RXRA: variants seen among roughly 807,000 people sequenced by gnomAD.
The protein encoded by RXRA is retinoid X receptor alpha, also known as retinoic acid receptor RXR-alpha.
In RXRA, 5 loss-of-function variants were observed where a neutral mutation model predicts 44.5. The ratio of observed to expected loss-of-function variants is 0.11; its 90% CI spans 0.06 to 0.24. RXRA has a LOEUF of 0.24. Among genes scored for constraint, RXRA ranks in the 10% least tolerant of loss-of-function variants. The pLI is 1.00. For synonymous variants in RXRA, 291 were observed against 271.4 expected, an observed-to-expected ratio of 1.07 and a Z score of -0.71; for missense variants, 412 against 646.5, an observed-to-expected ratio of 0.64 and a Z score of 3.93.
At chr9:134,363,795 G>A (rs547569717) in intron 1 of RXRA, among the ~76,000 whole-genome samples, 15 of 152,318 alleles carry the variant, frequency 9.8e-5, no homozygotes, top group African/African-American at 3.6e-4. Context: ...CCGGAGGTGC[G>A]ACCTGAGCAT....
intron 1 of RXRA, among the ~76,000 whole-genome samples, chr9:134,384,623 T>G (rs1830692351): frequency 3.3e-5 from 5 of 151,458 alleles, no homozygotes; most frequent in Non-Finnish European, 7.4e-5. Flanking sequence ...ATGCAGGGCG[T>G]GCTGGGGGGC....
chr9:134,330,193 C>T (rs1554746489), intron 1 of RXRA, among the ~76,000 whole-genome samples: 1 of 152,200 alleles, frequency 6.6e-6, no homozygotes, highest in Non-Finnish European at 1.5e-5. Context: ...CCCTCCCCAA[C>T]CCCCAGCTGG....
chr9:134,433,970 C>A lies in RXRA; in HGVS notation c.1136-132C>A. The A allele has an allele frequency of 1.6e-6, 1 of 637,768 alleles. No homozygotes were observed. 39.5% of individuals were successfully genotyped at this position (637,768 alleles called of 1,614,324 possible). ...GGGGAGCGGGCGGAGGCATGTCCAG[C>A]GGCATTCCTCCACCACCTGCTCTGC... On this transcript the variant is annotated intron_variant, in intron 8 of 9. Coordinates refer to ENST00000481739, the MANE Select transcript of RXRA (RefSeq NM_002957.6). This position sits in a 1 kb window ranked among gnomAD's most constrained non-coding sequence, Gnocchi z 4.2.
Position 134,366,672 on chromosome 9 carries a change from T to A in RXRA, c.29-34960T>A, listed in dbSNP as rs542239622. ...GCTGGGTGGGGCTGGAGAAATCAGC[T>A]CCCGCCAGCCTGATCTTCCTGCCTC... On this transcript the variant is annotated intron_variant, in intron 1 of 9. Transcript: ENST00000481739. The surrounding 1 kb of genome is among the most constrained non-coding windows in gnomAD (Gnocchi z 5.9). Among the ~76,000 whole-genome samples, 3 of 151,962 alleles carry A rather than the reference T, an allele frequency of 2.0e-5. No individual in the cohort carries two copies. The highest frequency in any genetic ancestry group is 2.9e-5 in the Non-Finnish European group (2 of 67,980).
chr9:134,393,619 G>A (rs1383422957), intron 1 of RXRA, among the ~76,000 whole-genome samples: 1 of 152,330 alleles, frequency 6.6e-6, no homozygotes, highest in Non-Finnish European at 1.5e-5. Flanking sequence ...GCCTGTGGCC[G>A]CAGCTCCCAT....
At position 134,406,769 on chromosome 9, in the gene RXRA, C is replaced by T. The variant is rs188023478; in HGVS notation, c.280-1380C>T. Among the ~76,000 whole-genome samples, 377 of 152,358 alleles carry T rather than the reference C, an allele frequency of 2.5e-3. 1 individual carries two copies. Among genetic ancestry groups the T allele is most frequent in the African/African-American group, 8.8e-3 (364 of 41,580 alleles). On this transcript the variant is annotated intron_variant, in intron 2 of 9. Coordinates refer to ENST00000481739, the MANE Select transcript of RXRA (RefSeq NM_002957.6). Reference sequence around the variant, plus strand: ...TGGCCAGCCCCTGACCTCCCTGAGCCGCAGCCTCTGCATCTGGGACACCCA... The same window carrying T: ...TGGCCAGCCCCTGACCTCCCTGAGCTGCAGCCTCTGCATCTGGGACACCCA...
chr9:134,334,446 C>G (rs1051008155), intron 1 of RXRA, among the ~76,000 whole-genome samples: 4 of 152,250 alleles, frequency 2.6e-5, no homozygotes, highest in Non-Finnish European at 5.9e-5. Flanking sequence ...AGAGGGCCAC[C>G]AAGGTGACAG....
chr9:134,408,036 T>G, intron 2 of RXRA, 113 bp from the exon 3 acceptor site: 86 of 702,846 alleles, frequency 1.2e-4, no homozygotes, highest in Middle Eastern at 2.7e-4. Flanking sequence ...CTAGCCTCGG[T>G]GTCTGTGTGT....
chr9:134,344,132 G>T (rs912727837), intron 1 of RXRA, among the ~76,000 whole-genome samples: 2 of 152,284 alleles, frequency 1.3e-5, no homozygotes, highest in Admixed American at 6.5e-5. Flanking sequence ...CGTTCCCTGC[G>T]CTTGAAGCTG....
At position 134,433,770 on chromosome 9, in the gene RXRA, G is replaced by A. The variant is rs1156474589; in HGVS notation, c.1136-332G>A. 6.6e-6 allele frequency among the ~76,000 whole-genome samples: 1 copy of A among 152,152 alleles called. No homozygotes were observed. Among genetic ancestry groups the A allele is most frequent in the Admixed American group, 6.5e-5 (1 of 15,282 alleles). On this transcript the variant is annotated intron_variant, in intron 8 of 9. Transcript: ENST00000481739. This position sits in a 1 kb window ranked among gnomAD's most constrained non-coding sequence, Gnocchi z 4.2. ...CATTGTCTCTCCCAGTTCCCAAGGCGGCTGGAAGGAAGGCAGCAGATCCCT... is the reference window on the plus strand; with the variant it reads ...CATTGTCTCTCCCAGTTCCCAAGGCAGCTGGAAGGAAGGCAGCAGATCCCT...
At chr9:134,399,891 C>A (rs1349468095) in intron 1 of RXRA, among the ~76,000 whole-genome samples, 1 of 152,214 alleles carries the variant, frequency 6.6e-6, no homozygotes, top group Non-Finnish European at 1.5e-5. Context: ...CTCCTTTCTG[C>A]ACCTTCCTCC....
intron 1 of RXRA, among the ~76,000 whole-genome samples, chr9:134,347,645 C>T (rs558907539): frequency 2.6e-5 from 4 of 152,294 alleles, no homozygotes; most frequent in Non-Finnish European, 4.4e-5. Context: ...GAAAGCCCTC[C>T]AGGGGGATGC....
intron 1 of RXRA, among the ~76,000 whole-genome samples, chr9:134,368,767 TGTGA>T (rs927494148): frequency 4.5e-4 from 30 of 66,008 alleles, no homozygotes; most frequent in South Asian, 1.7e-3. Context: ...TGTGTGTGAC[TGTGA>T]GTGTGTTTGG....
At chr9:134,428,635 G>C (rs7853153) in intron 6 of RXRA, among the ~76,000 whole-genome samples, 1 of 148,704 alleles carries the variant, frequency 6.7e-6, no homozygotes, top group Non-Finnish European at 1.5e-5. Context: ...GAATCCCCCC[G>C]AAAGAGGCTG....
chr9:134,394,308 G>A (rs891091574), intron 1 of RXRA, among the ~76,000 whole-genome samples: 9 of 116,010 alleles, frequency 7.8e-5, no homozygotes, highest in African/African-American at 2.3e-4. Flanking sequence ...TTGCACGCTC[G>A]CTGGATGCCT....
In RXRA at chr9:134,342,434, C is replaced by G. The variant is rs1440856812; in HGVS notation, c.28+15775C>G. 1.3e-5 allele frequency among the ~76,000 whole-genome samples: 2 copies of G among 152,192 alleles called. No homozygotes were observed. The highest frequency in any genetic ancestry group is 2.9e-5 in the Non-Finnish European group (2 of 68,030). ...ATGGAGGGGCCGATCCTTGCCCTTTCCCTGCCAGGAAACTGAGGCACAGAG... is the reference window on the plus strand; with the variant it reads ...ATGGAGGGGCCGATCCTTGCCCTTTGCCTGCCAGGAAACTGAGGCACAGAG... On this transcript the variant is annotated intron_variant, in intron 1 of 9. Transcript: ENST00000481739. The surrounding 1 kb of genome is among the most constrained non-coding windows in gnomAD (Gnocchi z 4.4).
intron 9 of RXRA, among the ~76,000 whole-genome samples, chr9:134,435,402 C>T (rs114331844): frequency 2.7e-5 from 4 of 147,166 alleles, no homozygotes; most frequent in South Asian, 4.4e-4. Context: ...CCCGCCCCCC[C>T]ACTGGTCCCT....
At chr9:134,390,454 C>A (rs1320336350) in intron 1 of RXRA, among the ~76,000 whole-genome samples, 2 of 152,226 alleles carry the variant, frequency 1.3e-5, no homozygotes, top group Non-Finnish European at 2.9e-5. Flanking sequence ...ACACAGCAGG[C>A]ACGGCAGCCA....
rs538693135 is a variant in RXRA, at chr9:134,366,723, T to C, written c.29-34909T>C. The stretch of plus-strand genomic sequence containing the variant: ...AGAAGCTGAACCCCGGGGACAGTGT[T>C]GGTCAGAAAAGCCATAGACTCTCCA... On this transcript the variant is annotated intron_variant, in intron 1 of 9. Transcript: ENST00000481739. This position sits in a 1 kb window ranked among gnomAD's most constrained non-coding sequence, Gnocchi z 5.9. Among the ~76,000 whole-genome samples, 1 of 152,252 alleles carries C rather than the reference T, an allele frequency of 6.6e-6. No individual in the cohort carries two copies. Among genetic ancestry groups the C allele is most frequent in the Non-Finnish European group, 1.5e-5 (1 of 67,998 alleles).
Sources: allele counts gnomAD v4.1 joint callset (sites outside exome capture counted in the v4.1 genomes callset), GRCh38; gene constraint gnomAD v4.1.1; non-coding constraint Gnocchi (gnomAD v3.1); transcripts MANE v1.5; gene names NCBI Gene and HGNC (gene_info 2026-07-23, HGNC 2026-07-21).